EHBP1: variants seen among roughly 807,000 people sequenced by gnomAD.
EHBP1 encodes EH domain binding protein 1, also known as EH domain-binding protein 1.
EHBP1 carries 55 observed loss-of-function variants against 144.0 expected under a neutral mutation model. The observed-to-expected ratio is 0.38, with a 90% CI of 0.31 to 0.48. The LOEUF is 0.48. Ranked by LOEUF, EHBP1 falls within the 20% of genes least tolerant of loss-of-function variation. EHBP1 has a pLI of 0.98. For missense variants in EHBP1, 1,200 were observed against 1,364.2 expected, an observed-to-expected ratio of 0.88 and a Z score of 1.90; for synonymous variants, 469 against 472.7, an observed-to-expected ratio of 0.99 and a Z score of 0.10.
At chr2:62,871,311 T>A (rs1421035808) in intron 9 of EHBP1, among the ~76,000 whole-genome samples, 6 of 152,210 alleles carry the variant, frequency 3.9e-5, no homozygotes, top group African/African-American at 1.4e-4. Flanking sequence ...TCAGAATCAT[T>A]GGGTGTTTCC....
rs962054026 is a variant in EHBP1 at position 63,000,048 on chromosome 2, G to A, written c.3103+3282G>A. ...GGCTCCCAGAGCTTGAGCAACATTG[G>A]ATTTTAAGCACCACCCCTGTGATGC... is the stretch of plus-strand genomic sequence containing the variant. On this transcript the variant is annotated intron_variant, in intron 19 of 22. Transcript: ENST00000431489. 4.6e-5 allele frequency among the ~76,000 whole-genome samples: 7 copies of A among 152,256 alleles called. No individual in the cohort carries two copies. In the South Asian group the frequency reaches 1.5e-3, roughly 32 times the overall value.
intron 21 of EHBP1, among the ~76,000 whole-genome samples, chr2:63,039,192 C>G (rs1452287627): frequency 6.6e-6 from 1 of 152,112 alleles, no homozygotes; most frequent in African/African-American, 2.4e-5. Flanking sequence ...CATCCAGACT[C>G]TAAATTTTAC....
chr2:62,716,543 A>G (rs1180660347), intron 2 of EHBP1, among the ~76,000 whole-genome samples: 1 of 152,144 alleles, frequency 6.6e-6, no homozygotes, highest in African/African-American at 2.4e-5. Flanking sequence ...TTTTTTTCTC[A>G]GTGAATAATG....
intron 10 of EHBP1, among the ~76,000 whole-genome samples, chr2:62,912,648 G>T (rs2054318804): frequency 6.6e-6 from 1 of 152,250 alleles, no homozygotes; most frequent in African/African-American, 2.4e-5. Flanking sequence ...ATCTTCCTGT[G>T]TATCTACAGT....
At chr2:62,955,835 A>C (rs1372931463) in intron 14 of EHBP1, 175 bp downstream of exon 14, 7 of 578,434 alleles carry the variant, frequency 1.2e-5, no homozygotes, top group Non-Finnish European at 2.0e-5. Flanking sequence ...CCATTTGATC[A>C]TTATTCCTAC....
intron 19 of EHBP1, among the ~76,000 whole-genome samples, chr2:63,033,559 A>G (rs1204611743): frequency 6.6e-6 from 1 of 152,194 alleles, no homozygotes; most frequent in Admixed American, 6.5e-5. Context: ...TTCATTGTCT[A>G]AAATATATCT....
At chr2:62,856,077 A>G (rs1295616290) in intron 7 of EHBP1, among the ~76,000 whole-genome samples, 1 of 152,180 alleles carries the variant, frequency 6.6e-6, no homozygotes, top group Non-Finnish European at 1.5e-5. Flanking sequence ...GTTGCTCAGT[A>G]AAGCTCCTCT....
chr2:63,007,525 T>C (rs962496329), intron 19 of EHBP1, among the ~76,000 whole-genome samples: 2 of 151,690 alleles, frequency 1.3e-5, no homozygotes, highest in Non-Finnish European at 3.0e-5. Flanking sequence ...TGGTATGAAT[T>C]TGGGCATGCC....
At chr2:62,685,106 AG>A (rs2033676130) in intron 1 of EHBP1, among the ~76,000 whole-genome samples, 1 of 152,230 alleles carries the variant, frequency 6.6e-6, no homozygotes, top group Admixed American at 6.5e-5. Context: ...TATATTGGAC[AG>A]TCTCCCAAAT....
At chr2:62,722,691 A>T (rs1652325511) in intron 2 of EHBP1, among the ~76,000 whole-genome samples, 1 of 152,080 alleles carries the variant, frequency 6.6e-6, no homozygotes, top group South Asian at 2.1e-4. Flanking sequence ...TTGACACTTG[A>T]CACTTCTTAA....
At position 62,978,121 on chromosome 2, in the gene EHBP1, A is replaced by C. The variant is rs575636535; in HGVS notation, c.2461-1067A>C. Among the ~76,000 whole-genome samples the C allele has an allele frequency of 2.6e-5, 4 of 152,298 alleles. No homozygotes were observed. In the East Asian group the frequency reaches 7.7e-4, roughly 29 times the overall value. On this transcript the variant is annotated intron_variant, in intron 14 of 22. Coordinates refer to ENST00000431489, the MANE Select transcript of EHBP1 (RefSeq NM_001142616.3). Reference sequence around the variant, plus strand: ...ATTATTTCAGTCTTTGTTTTATCATAATAATGCCATATTTTATATGCTTTT... The same window carrying C: ...ATTATTTCAGTCTTTGTTTTATCATCATAATGCCATATTTTATATGCTTTT...
chr2:62,884,671 C>A (rs1463790294), intron 10 of EHBP1, among the ~76,000 whole-genome samples: 1 of 152,156 alleles, frequency 6.6e-6, no homozygotes, highest in Non-Finnish European at 1.5e-5. Flanking sequence ...AGTAGATTAT[C>A]ATCAGTGATA....
intron 11 of EHBP1, 150 bp from the exon 12 acceptor site, chr2:62,943,652 C>T (rs1321778377): frequency 4.6e-6 from 2 of 433,384 alleles, no homozygotes; most frequent in Non-Finnish European, 8.4e-6. Flanking sequence ...TTTAATTTTC[C>T]ACACTATTAG....
At chr2:63,039,299 C>T (rs1364035970) in intron 21 of EHBP1, among the ~76,000 whole-genome samples, 1 of 151,858 alleles carries the variant, frequency 6.6e-6, no homozygotes, top group Non-Finnish European at 1.5e-5. Flanking sequence ...CAAAGATTGG[C>T]ATAAAAGATA....
intron 2 of EHBP1, among the ~76,000 whole-genome samples, chr2:62,736,663 CATTTT>C (rs2038168048): frequency 6.6e-6 from 1 of 152,144 alleles, no homozygotes; most frequent in African/African-American, 2.4e-5. Context: ...TGATCTCTAG[CATTTT>C]ATTTTGTTTT....
intron 1 of EHBP1, among the ~76,000 whole-genome samples, chr2:62,689,066 A>G (rs1445849704): frequency 6.6e-6 from 1 of 152,172 alleles, no homozygotes; most frequent in East Asian, 1.9e-4. Context: ...GAAGCCTGTT[A>G]TTTTTTAATA....
intron 3 of EHBP1, among the ~76,000 whole-genome samples, chr2:62,751,710 TC>T (rs2039738409): frequency 6.6e-6 from 1 of 152,240 alleles, no homozygotes; most frequent in Admixed American, 6.5e-5. Flanking sequence ...GGTTTAGGCT[TC>T]GGAGGGTGTA....
At chr2:62,748,796 C>T (rs1406688926) in intron 3 of EHBP1, among the ~76,000 whole-genome samples, 1 of 152,060 alleles carries the variant, frequency 6.6e-6, no homozygotes, top group African/African-American at 2.4e-5. Flanking sequence ...TAATTGAAAT[C>T]CTACAATTTT....
intron 1 of EHBP1, chr2:62,674,104 A>G: frequency 2.1e-6 from 1 of 471,130 alleles, no homozygotes; most frequent in Non-Finnish European, 4.4e-6. Flanking sequence ...GTAGGCCACA[A>G]GCATCCTCCT....
Sources: allele counts gnomAD v4.1 joint callset (sites outside exome capture counted in the v4.1 genomes callset), GRCh38; gene constraint gnomAD v4.1.1; transcripts MANE v1.5; gene names NCBI Gene and HGNC (gene_info 2026-07-23, HGNC 2026-07-21).